MYO16: variants seen among roughly 807,000 people sequenced by gnomAD.
MYO16 encodes the protein myosin XVI, also known as unconventional myosin-XVI.
MYO16 carries 94 observed loss-of-function variants against 205.3 expected under a neutral mutation model. The ratio of observed to expected loss-of-function variants is 0.46; its 90% CI spans 0.39 to 0.54. The LOEUF is 0.54. Among genes scored for constraint, MYO16 ranks in the 20% least tolerant of loss-of-function variants. The probability of loss-of-function intolerance (pLI) is 0.00; values close to 1 mark genes in which losing one functional copy is unlikely to be tolerated. For synonymous variants in MYO16, 988 were observed against 954.0 expected (o/e 1.04, Z -0.66); for missense variants, 2,315 against 2,387.5 (o/e 0.97, Z 0.63).
intron 23 of MYO16, among the ~76,000 whole-genome samples, chr13:109,036,033 T>G (rs952584500): frequency 1.3e-5 from 2 of 152,188 alleles, no homozygotes; most frequent in African/African-American, 4.8e-5. Flanking sequence ...AGCCACATAG[T>G]AGGTGCTCAC....
intron 2 of MYO16, among the ~76,000 whole-genome samples, chr13:108,691,822 T>C (rs1011229020): frequency 2.6e-5 from 4 of 152,166 alleles, no homozygotes; most frequent in Non-Finnish European, 5.9e-5. Flanking sequence ...CAAACTAAGT[T>C]GATGATATAT....
chr13:108,689,509 C>T (rs984946513), intron 2 of MYO16, among the ~76,000 whole-genome samples: 13 of 151,932 alleles, frequency 8.6e-5, no homozygotes, highest in South Asian at 8.3e-4. Context: ...TTGAGTGACC[C>T]ATAAGGATTT....
intron 27 of MYO16, among the ~76,000 whole-genome samples, chr13:109,066,933 G>A (rs1266759639): frequency 6.6e-6 from 1 of 152,076 alleles, no homozygotes; most frequent in Non-Finnish European, 1.5e-5. Flanking sequence ...AATCTGGCTC[G>A]GATCCTAATT....
intron 12 of MYO16, among the ~76,000 whole-genome samples, chr13:108,878,670 G>C (rs1242735765): frequency 6.6e-6 from 1 of 152,230 alleles, no homozygotes; most frequent in Admixed American, 6.5e-5. Context: ...AAAGCTAAAA[G>C]AGTACACTGT....
At chr13:108,997,301 A>G (rs1885035660) in intron 21 of MYO16, among the ~76,000 whole-genome samples, 2 of 2,874 alleles carry the variant, frequency 7.0e-4, no homozygotes, top group South Asian at 0.045. Context: ...AGAAAGAAAG[A>G]AAGAAAGAAA....
At chr13:108,503,342 C>G in the MYO16 span, among the ~76,000 whole-genome samples, 4 of 152,016 alleles carry the variant, frequency 2.6e-5, no homozygotes, top group African/African-American at 9.7e-5. Context: ...CAGCCTCTGC[C>G]GGGAGCCGAC....
the MYO16 span, among the ~76,000 whole-genome samples, chr13:108,544,337 C>T: frequency 0.77 from 116,735 of 152,050 alleles, 45,107 homozygotes; most frequent in African/African-American, 0.8. Context: ...AAAGAATTCA[C>T]TGAGCCATAT....
At chr13:109,074,498 AG>A (rs1470429251) in intron 27 of MYO16, among the ~76,000 whole-genome samples, 1 of 152,174 alleles carries the variant, frequency 6.6e-6, no homozygotes, top group Non-Finnish European at 1.5e-5. Flanking sequence ...ACAGAGAGCA[AG>A]GGGGGAAGTG....
intron 8 of MYO16, among the ~76,000 whole-genome samples, chr13:108,821,806 C>G (rs866187404): frequency 1.3e-5 from 2 of 152,256 alleles, no homozygotes; most frequent in Middle Eastern, 6.8e-3. Context: ...TGAGGACTCT[C>G]TCAGGCAACT....
At chr13:108,789,110 T>C (rs1886541975) in intron 5 of MYO16, among the ~76,000 whole-genome samples, 1 of 152,214 alleles carries the variant, frequency 6.6e-6, no homozygotes, top group South Asian at 2.1e-4. Flanking sequence ...ATTAAGTATC[T>C]CGACTTGAGT....
At chr13:108,860,775 C>A (rs898273765) in intron 11 of MYO16, among the ~76,000 whole-genome samples, 2 of 152,008 alleles carry the variant, frequency 1.3e-5, no homozygotes, top group Non-Finnish European at 2.9e-5. Flanking sequence ...CCTTCCTTGC[C>A]CCATATACAA....
At position 109,162,835 on chromosome 13, in the gene MYO16, C is replaced by T. The variant is rs573506020; in HGVS notation, c.5165-2066C>T. 9.2e-5 allele frequency among the ~76,000 whole-genome samples: 14 copies of T among 152,172 alleles called. No homozygotes were observed. Among genetic ancestry groups the T allele is most frequent in the African/African-American group, 2.2e-4 (9 of 41,496 alleles). On this transcript the variant is annotated intron_variant, in intron 32 of 34. Transcript: ENST00000457511. This position sits in a 1 kb window ranked among gnomAD's most constrained non-coding sequence, Gnocchi z 4.6. ...AAACAGAACCTGTTTTACTGGCATT[C>T]GGAAGCTTAACAGAAATAAAAAAAA...
chr13:109,061,511 T>C (rs1168545473), intron 27 of MYO16, among the ~76,000 whole-genome samples: 1 of 152,084 alleles, frequency 6.6e-6, no homozygotes, highest in Non-Finnish European at 1.5e-5. Flanking sequence ...TGTGTTTCAG[T>C]GAATAGGGAG....
chr13:109,017,314 C>T (rs188314880), intron 22 of MYO16, among the ~76,000 whole-genome samples: 2 of 152,272 alleles, frequency 1.3e-5, no homozygotes, highest in East Asian at 1.9e-4. Context: ...CTGGCTTTTA[C>T]GGTTTCTGCC....
chr13:108,967,674 A>G (rs140889044), intron 20 of MYO16, among the ~76,000 whole-genome samples: 83 of 152,368 alleles, frequency 5.4e-4, no homozygotes, highest in Non-Finnish European at 9.8e-4. Context: ...TGGTCCAAAC[A>G]GGTAAAATAA....
chr13:108,832,175 C>G (rs1876659167), intron 9 of MYO16, among the ~76,000 whole-genome samples: 1 of 144,628 alleles, frequency 6.9e-6, no homozygotes, highest in African/African-American at 2.6e-5. Context: ...CAGAGTCTCG[C>G]TCTATCGCCC....
chr13:108,533,190 G>A, the MYO16 span, among the ~76,000 whole-genome samples: 3 of 152,134 alleles, frequency 2.0e-5, no homozygotes, highest in East Asian at 3.9e-4. Flanking sequence ...ATAGCTAGTA[G>A]CAACCTGTGT....
At chr13:108,897,927 A>T (rs1460572117) in intron 14 of MYO16, 89 bp from the exon 15 acceptor site, 1 of 1,025,664 alleles carries the variant, frequency 9.7e-7, no homozygotes, top group African/African-American at 1.6e-5. Flanking sequence ...TCAGACCAAG[A>T]AGTATTATTC....
At chr13:108,937,897 G>T (rs1882561616) in intron 16 of MYO16, among the ~76,000 whole-genome samples, 1 of 151,980 alleles carries the variant, frequency 6.6e-6, no homozygotes, top group Non-Finnish European at 1.5e-5. Context: ...TTCCATTTTT[G>T]TTAGGGACCA....
Sources: allele counts gnomAD v4.1 joint callset (sites outside exome capture counted in the v4.1 genomes callset), GRCh38; gene constraint gnomAD v4.1.1; non-coding constraint Gnocchi (gnomAD v3.1); transcripts MANE v1.5; gene names NCBI Gene and HGNC (gene_info 2026-07-23, HGNC 2026-07-21).